HELQ: variants seen among roughly 807,000 people sequenced by gnomAD.
The protein encoded by HELQ is helicase, POLQ like.
In HELQ, 77 loss-of-function variants were observed where a neutral mutation model predicts 111.6. That is an observed-to-expected ratio of 0.69 (90% CI 0.57 to 0.83). HELQ has a LOEUF of 0.83. Ranked by LOEUF, HELQ falls within the 40% of genes least tolerant of loss-of-function variation. HELQ has a pLI of 0.00. For synonymous variants in HELQ, 438 were observed against 454.7 expected, an observed-to-expected ratio of 0.96 and a Z score of 0.47; for missense variants, 1,200 against 1,288.5, an observed-to-expected ratio of 0.93 and a Z score of 1.05.
chr4:83,446,209 A>C (rs1230035956), intron 4 of HELQ, 123 bp from the exon 5 acceptor site: 1 of 664,264 alleles, frequency 1.5e-6, no homozygotes, highest in Non-Finnish European at 2.6e-6. Flanking sequence ...AGTATTTTGA[A>C]TATAACAACT....
chr4:83,412,440 G>A (rs1739151908), intron 17 of HELQ, among the ~76,000 whole-genome samples: 1 of 152,124 alleles, frequency 6.6e-6, no homozygotes, highest in African/African-American at 2.4e-5. Context: ...GGGCACTTTA[G>A]ACCTCAGAAA....
Position 83,437,023 on chromosome 4 carries a change from A to T in HELQ, c.1883T>A (p.Leu628Gln), listed in dbSNP as rs147200515. Residue 628 changes from leucine (L) to glutamine (Q), a missense_variant, in exon 9 of 18, where the codon CTG (leucine) becomes CAG (glutamine). Coordinates refer to ENST00000295488, the MANE Select transcript of HELQ (RefSeq NM_133636.5). The part of the protein sequence containing the change: ...KNLKNIGNGN[L>Q]CPVLKRTIPF... ...GATAGTGCGCTTTAAAACAGGACAC[A>T]GGTTGCCATTGCCAATATTCTTCAA... is the stretch of plus-strand genomic sequence containing the variant. The T allele has an allele frequency of 6.2e-7, 1 of 1,613,974 alleles. No homozygotes were observed. Among genetic ancestry groups the T allele is most frequent in the African/African-American group, 1.3e-5 (1 of 74,954 alleles).
At chr4:83,441,965 A>G (rs1052877840) in intron 6 of HELQ, among the ~76,000 whole-genome samples, 7 of 151,736 alleles carry the variant, frequency 4.6e-5, no homozygotes, top group Non-Finnish European at 7.4e-5. Context: ...GGGTTCCTCT[A>G]TGTTGCTGAG....
intron 16 of HELQ, 38 bp from the exon 17 acceptor site, chr4:83,416,903 G>T: frequency 6.5e-7 from 1 of 1,539,358 alleles, no homozygotes; most frequent in East Asian, 2.3e-5. Flanking sequence ...ATAATAGTTT[G>T]GGATTAGAAA....
At chr4:83,449,337 A>C (rs939945195) in intron 2 of HELQ, among the ~76,000 whole-genome samples, 3 of 152,218 alleles carry the variant, frequency 2.0e-5, no homozygotes, top group Non-Finnish European at 4.4e-5. Context: ...CTGCAAGGAG[A>C]TTATATAAGC....
intron 14 of HELQ, among the ~76,000 whole-genome samples, chr4:83,422,096 C>T (rs562155761): frequency 4.4e-4 from 67 of 151,810 alleles, no homozygotes; most frequent in African/African-American, 1.4e-3. Flanking sequence ...TGTGGTGGCG[C>T]GCACCTGTAG....
chr4:83,427,065 T>G (rs568230833), intron 13 of HELQ, among the ~76,000 whole-genome samples: 41 of 152,372 alleles, frequency 2.7e-4, no homozygotes, highest in Non-Finnish European at 5.3e-4. Flanking sequence ...AATTAAACTC[T>G]AAATCATCAG....
In HELQ at chr4:83,446,632, G is replaced by A. The variant is rs372739305; in HGVS notation, c.1392+203C>T. On this transcript the variant is annotated intron_variant, in intron 4 of 17. Coordinates refer to ENST00000295488, the MANE Select transcript of HELQ (RefSeq NM_133636.5). ...ATAAAATTGTATACTACACACATAC[G>A]TGTTCACACTTCAAGAAACACTTGA... is the stretch of plus-strand genomic sequence containing the variant. Among the ~76,000 whole-genome samples the A allele has an allele frequency of 1.1e-4, 16 of 152,194 alleles. 1 individual carries two copies. The highest frequency in any genetic ancestry group is 8.5e-4 in the Admixed American group (13 of 15,266).
intron 9 of HELQ, among the ~76,000 whole-genome samples, chr4:83,435,945 A>G (rs968612890): frequency 3.4e-5 from 5 of 147,660 alleles, no homozygotes; most frequent in Admixed American, 1.4e-4. Context: ...AATTGAAAAT[A>G]AAAGAATGGA....
At chr4:83,446,617 ATAC>A in intron 4 of HELQ, among the ~76,000 whole-genome samples, 1 of 152,264 alleles carries the variant, frequency 6.6e-6, no homozygotes, top group East Asian at 1.9e-4. Context: ...ATAAAATTGT[ATAC>A]TACACACATA....
intron 1 of HELQ, among the ~76,000 whole-genome samples, chr4:83,454,905 G>T (rs1036576574): frequency 2.6e-5 from 4 of 152,114 alleles, no homozygotes; most frequent in Non-Finnish European, 4.4e-5. Context: ...GAGTTCCTAG[G>T]AATTTGGAAT....
chr4:83,445,254 T>C (rs1720990191), intron 5 of HELQ, among the ~76,000 whole-genome samples: 1 of 152,208 alleles, frequency 6.6e-6, no homozygotes, highest in Admixed American at 6.5e-5. Context: ...ACAGGCTTGA[T>C]GAAAGCAGGG....
intron 6 of HELQ, 129 bp from the exon 7 acceptor site, chr4:83,441,532 A>G (rs1720754775): frequency 3.9e-6 from 2 of 519,230 alleles, no homozygotes; most frequent in African/African-American, 4.1e-5. Context: ...TACATAAAAC[A>G]TGCTTCAACT....
At chr4:83,455,373 T>C (rs1160568869) in intron 1 of HELQ, 24 bp downstream of exon 1, 3 of 1,599,234 alleles carry the variant, frequency 1.9e-6, no homozygotes, top group Non-Finnish European at 8.6e-7. Context: ...AAGTTTGCAG[T>C]TTCAAGTTCC....
chr4:83,419,956 T>G (rs1739581668), intron 15 of HELQ, among the ~76,000 whole-genome samples: 1 of 152,156 alleles, frequency 6.6e-6, no homozygotes, highest in East Asian at 1.9e-4. Flanking sequence ...ATATACAGAA[T>G]ATGAAGGTTT....
At chr4:83,443,494 C>A (rs1413124988) in intron 6 of HELQ, 23 bp downstream of exon 6, 2 of 1,070,488 alleles carry the variant, frequency 1.9e-6, no homozygotes, top group Non-Finnish European at 2.8e-6. Flanking sequence ...CAAATCAATA[C>A]AGTGCAAACC....
At chr4:83,421,763 G>A (rs376200067) in intron 14 of HELQ, 27 bp from the exon 15 acceptor site, 24 of 1,582,584 alleles carry the variant, frequency 1.5e-5, no homozygotes, top group African/African-American at 5.4e-5. Context: ...AAATAAATTC[G>A]TTTACTAGAC....
chr4:83,436,813 A>C, intron 9 of HELQ, 45 bp downstream of exon 9: 1 of 1,564,568 alleles, frequency 6.4e-7, no homozygotes, highest in South Asian at 1.2e-5. Flanking sequence ...CGCAAGCTAG[A>C]AATGGAAAAG....
intron 2 of HELQ, among the ~76,000 whole-genome samples, chr4:83,452,582 G>C (rs1053399330): frequency 6.6e-6 from 1 of 152,186 alleles, no homozygotes; most frequent in Admixed American, 6.5e-5. Context: ...ACAACAGCTA[G>C]GTTTTGGTAG....
Sources: gnomAD v4.1 joint callset for allele counts (sites outside exome capture counted in the v4.1 genomes callset) on GRCh38, gnomAD v4.1.1 for gene constraint, MANE v1.5 for transcripts, NCBI Gene and HGNC (gene_info 2026-07-23, HGNC 2026-07-21) for gene names.